Variants in CAPN7 observed in about 807,000 individuals in gnomAD.
CAPN7 encodes calpain-7.
A neutral mutation model predicts 115.2 loss-of-function variants in CAPN7; 72 were observed. The ratio of observed to expected loss-of-function variants is 0.63; its 90% confidence interval spans 0.52 to 0.76. The LOEUF (loss-of-function observed/expected upper bound fraction) is 0.76. Among genes scored for constraint, CAPN7 ranks in the 30% least tolerant of loss-of-function variants. CAPN7 has a pLI of 0.00. For missense variants in CAPN7, 905 were observed against 971.5 expected, an observed-to-expected ratio of 0.93 and a Z score of 0.91; for synonymous variants, 344 against 322.3, an observed-to-expected ratio of 1.07 and a Z score of -0.72.
chr3:15,247,325 A>G lies in CAPN7; in HGVS notation c.2074-2A>G. 1 of 1,539,716 alleles carries G rather than the reference A, an allele frequency of 6.5e-7. No individual in the cohort carries two copies. Among genetic ancestry groups the G allele is most frequent in the Non-Finnish European group, 8.7e-7 (1 of 1,150,084 alleles). ...TAATACTAAAACTTTTGTTTTTATTAGATTAATGGAAAGTGGAGTGGTCAG... is the reference window on the plus strand; with the variant it reads ...TAATACTAAAACTTTTGTTTTTATTGGATTAATGGAAAGTGGAGTGGTCAG... On this transcript the variant is annotated splice_acceptor_variant, in intron 18 of 20. Coordinates refer to ENST00000253693, the MANE Select transcript of CAPN7 (RefSeq NM_014296.3). LOFTEE classifies it high-confidence loss of function.
chr3:15,218,558 A>G lies in CAPN7; in HGVS notation c.437+18A>G, dbSNP rs748504081. 2 of 1,584,362 alleles carry G rather than the reference A, an allele frequency of 1.3e-6. No homozygotes were observed. The highest frequency in any genetic ancestry group is 2.7e-5 in the African/African-American group (2 of 74,278). ...CTAGACAGGTGAGTTTGATCTCTCA[A>G]GTTCTAATCCATGGATGGCACTTAG... is the stretch of plus-strand genomic sequence containing the variant. On this transcript the variant is annotated intron_variant, in intron 4 of 20. Coordinates refer to ENST00000253693, the MANE Select transcript of CAPN7 (RefSeq NM_014296.3).
At chr3:15,234,089 GC>G in intron 11 of CAPN7, 116 bp downstream of exon 11, 1 of 558,762 alleles carries the variant, frequency 1.8e-6, no homozygotes, top group Non-Finnish European at 3.1e-6. Flanking sequence ...GCCAAGGCAG[GC>G]AGATGACCTG....
At chr3:15,247,496 A>G in intron 19 of CAPN7, 39 bp downstream of exon 19, 1 of 1,531,822 alleles carries the variant, frequency 6.5e-7, no homozygotes, top group Non-Finnish European at 8.8e-7. Flanking sequence ...ATGATGTTCT[A>G]TTACAAATGA....
chr3:15,207,578 G>C (rs1004512927), intron 1 of CAPN7, among the ~76,000 whole-genome samples: 1 of 151,282 alleles, frequency 6.6e-6, no homozygotes, highest in Non-Finnish European at 1.5e-5. Context: ...AGCTTAAAAC[G>C]AACTTATTGT....
chr3:15,235,109 A>G lies in CAPN7; in HGVS notation c.1371A>G (p.Thr457=). ...AEGEKWGLVP[T]HAYAVLDIRE... is the part of the protein sequence containing the mutation. ...GAGAGAAGTGGGGTCTGGTTCCCAC[A>G]CACGCATATGCTGTTTTGGATATTA... The change falls in exon 12 of 21, where the codon ACA becomes ACG. Residue 457 remains threonine (T), a synonymous_variant. Transcript: ENST00000253693. 1 of 1,613,592 alleles carries G rather than the reference A, an allele frequency of 6.2e-7. No individual in the cohort carries two copies. Among genetic ancestry groups the G allele is most frequent in the Non-Finnish European group, 8.5e-7 (1 of 1,179,668 alleles).
intron 9 of CAPN7, among the ~76,000 whole-genome samples, chr3:15,230,918 C>T (rs1214590125): frequency 6.6e-6 from 1 of 152,086 alleles, no homozygotes; most frequent in Non-Finnish European, 1.5e-5. Context: ...TGTAAGAAGC[C>T]TTTGAAATTA....
At chr3:15,246,663 A>G (rs1695679867) in intron 17 of CAPN7, 69 bp from the exon 18 acceptor site, 1 of 1,099,042 alleles carries the variant, frequency 9.1e-7, no homozygotes, top group Non-Finnish European at 1.4e-6. Flanking sequence ...GTCTTCCAAT[A>G]TATTCATGTA....
chr3:15,223,407 A>G (rs1575184483), intron 5 of CAPN7, 68 bp from the exon 6 acceptor site: 3 of 955,516 alleles, frequency 3.1e-6, no homozygotes, highest in East Asian at 4.8e-5. Context: ...TTAAATTTTA[A>G]AGAGTTGAAA....
intron 2 of CAPN7, among the ~76,000 whole-genome samples, chr3:15,213,724 A>C (rs1331622467): frequency 3.9e-5 from 6 of 152,190 alleles, no homozygotes; most frequent in Admixed American, 3.9e-4. Flanking sequence ...AATTATTCTT[A>C]CTTTATATTA....
At chr3:15,220,384 C>G (rs753020667) in intron 4 of CAPN7, among the ~76,000 whole-genome samples, 1 of 152,154 alleles carries the variant, frequency 6.6e-6, no homozygotes, top group African/African-American at 2.4e-5. Flanking sequence ...CTTGGCAATT[C>G]ATTAAGTGAA....
At chr3:15,223,789 G>C (rs1031625209) in intron 6 of CAPN7, among the ~76,000 whole-genome samples, 3 of 152,182 alleles carry the variant, frequency 2.0e-5, no homozygotes, top group African/African-American at 7.2e-5. Flanking sequence ...GTAGTGTCTA[G>C]CACAGTACCT....
chr3:15,213,995 G>A (rs987870849), intron 2 of CAPN7, among the ~76,000 whole-genome samples: 6 of 151,208 alleles, frequency 4.0e-5, no homozygotes, highest in East Asian at 2.0e-4. Flanking sequence ...ATTCTCCTGC[G>A]TCAGCCTCCC....
At chr3:15,226,863 A>C (rs977965207) in intron 6 of CAPN7, among the ~76,000 whole-genome samples, 4 of 152,162 alleles carry the variant, frequency 2.6e-5, no homozygotes, top group African/African-American at 9.7e-5. Flanking sequence ...TTGAAAAAAA[A>C]AAAAGTTATG....
intron 4 of CAPN7, 126 bp downstream of exon 4, chr3:15,218,666 T>C (rs1445179868): frequency 1.4e-6 from 1 of 698,880 alleles, no homozygotes; most frequent in Non-Finnish European, 2.5e-6. Context: ...CTGAAACAAA[T>C]CTACTTTCTA....
chr3:15,238,267 A>G lies in CAPN7; in HGVS notation c.1408-2206A>G, dbSNP rs368108292. On this transcript the variant is annotated intron_variant, in intron 12 of 20. Coordinates refer to ENST00000253693, the MANE Select transcript of CAPN7 (RefSeq NM_014296.3). ...TAGCTGAGACTACAGGCGCCCCACCACCACGCCCGGCCAATTTTTTATATT... is the reference window on the plus strand; with the variant it reads ...TAGCTGAGACTACAGGCGCCCCACCGCCACGCCCGGCCAATTTTTTATATT... 5.2e-4 allele frequency among the ~76,000 whole-genome samples: 79 copies of G among 150,968 alleles called. 1 individual carries two copies. The South Asian group carries it at 0.016, about 31-fold the overall frequency.
At chr3:15,229,565 T>C (rs1022078660) in intron 8 of CAPN7, among the ~76,000 whole-genome samples, 2 of 60,128 alleles carry the variant, frequency 3.3e-5, no homozygotes, top group African/African-American at 8.1e-5. Context: ...TTTTTTCTTT[T>C]TTTTTTTTTT....
intron 12 of CAPN7, among the ~76,000 whole-genome samples, chr3:15,238,567 T>A (rs929298887): frequency 1.9e-4 from 29 of 152,208 alleles, no homozygotes; most frequent in Non-Finnish European, 3.7e-4. Context: ...ATTTTCAATA[T>A]TTATTAATAT....
rs1693788870 is a variant in CAPN7 at position 15,218,725 on chromosome 3, A to G, written c.437+185A>G. On this transcript the variant is annotated intron_variant, in intron 4 of 20. Transcript: ENST00000253693. ...TCTCTAGTTCCCTGCTTTAAACTCAAGAAATAGCAAATCAATAAATGTTTT... is the reference window on the plus strand; with the variant it reads ...TCTCTAGTTCCCTGCTTTAAACTCAGGAAATAGCAAATCAATAAATGTTTT... Among the ~76,000 whole-genome samples the G allele has an allele frequency of 3.3e-5, 5 of 152,244 alleles. No homozygotes were observed. The South Asian group carries it at 1.0e-3, about 31-fold the overall frequency.
chr3:15,228,984 C>T lies in CAPN7; in HGVS notation c.863C>T (p.Ser288Leu), dbSNP rs758288294. The change falls in exon 8 of 21, where the codon TCG becomes TTG. Residue 288 changes from serine to leucine, a missense_variant. Ser to Leu is a moderately radical substitution (Grantham distance 145). Transcript: ENST00000253693. ...TATTCTTATTAACAGACAATAGTAT[C>T]GGATTGCTCCTTTGTGGCATCACTG... ...SSFSIKQTIV[S>L]DCSFVASLAI... 16 of 1,609,710 alleles carry T rather than the reference C, an allele frequency of 9.9e-6. No homozygotes were observed. Among genetic ancestry groups the T allele is most frequent in the African/African-American group, 1.3e-5 (1 of 74,822 alleles).
Sources: gnomAD v4.1 joint callset for allele counts (sites outside exome capture counted in the v4.1 genomes callset) on GRCh38, gnomAD v4.1.1 for gene constraint, MANE v1.5 for transcripts, NCBI Gene and HGNC (gene_info 2026-07-23, HGNC 2026-07-21) for gene names.